Variants in TMEM135 observed in about 807,000 individuals in gnomAD.
The protein encoded by TMEM135 is transmembrane protein 135, also known as peroxisomal membrane protein 52.
TMEM135 carries 30 observed loss-of-function variants against 60.3 expected under a neutral mutation model. That is an observed-to-expected ratio of 0.50 (90% confidence interval 0.37 to 0.68). The LOEUF is 0.68. TMEM135 is among the 30% of genes least tolerant of loss of function. TMEM135 has a pLI of 0.00. For missense variants in TMEM135, 468 were observed against 548.8 expected, an observed-to-expected ratio of 0.85 and a Z score of 1.47; for synonymous variants, 190 against 186.7, an observed-to-expected ratio of 1.02 and a Z score of -0.14.
At chr11:87,147,445 C>A (rs1938446065) in intron 4 of TMEM135, among the ~76,000 whole-genome samples, 1 of 152,224 alleles carries the variant, frequency 6.6e-6, no homozygotes, top group South Asian at 2.1e-4. Flanking sequence ...AAAGGATCCT[C>A]CTGCCTCAGC....
Position 87,324,198 on chromosome 11 carries a change from A to G in TMEM135, c.*2865A>G, listed in dbSNP as rs1271378090. 2.2e-6 allele frequency: 1 copy of G among 453,930 alleles called. No individual in the cohort carries two copies. Among genetic ancestry groups the G allele is most frequent in the African/African-American group, 2.0e-5 (1 of 49,974 alleles). The allele number at this position is 453,930 out of a possible 1,614,324, so 28.1% of individuals were successfully genotyped here. The stretch of plus-strand genomic sequence containing the variant: ...TTGTTTCCTGCTTATATTTTATCAT[A>G]TCCCTGAGCTTCTGTGTGCTCTACA... On this transcript the variant is annotated 3_prime_UTR_variant, in exon 15 of 15. Transcript: ENST00000305494.
At chr11:87,222,462 G>C (rs1940651069) in intron 5 of TMEM135, among the ~76,000 whole-genome samples, 1 of 145,030 alleles carries the variant, frequency 6.9e-6, no homozygotes, top group Non-Finnish European at 1.5e-5. Flanking sequence ...TCGCACCACT[G>C]CACTCCAGCC....
intron 3 of TMEM135, among the ~76,000 whole-genome samples, chr11:87,091,104 G>C (rs911609526): frequency 1.3e-5 from 2 of 151,960 alleles, no homozygotes; most frequent in Admixed American, 1.3e-4. Context: ...TGGGGAAATA[G>C]TAATTTTAAA....
chr11:87,314,333 T>C (rs1374621835), intron 11 of TMEM135, 138 bp from the exon 12 acceptor site: 2 of 696,796 alleles, frequency 2.9e-6, no homozygotes, highest in Non-Finnish European at 2.5e-6. Context: ...TTTAATGTCA[T>C]CTGGTTTATT....
chr11:87,133,239 GA>G (rs1346958957), intron 4 of TMEM135, among the ~76,000 whole-genome samples: 1 of 152,166 alleles, frequency 6.6e-6, no homozygotes, highest in Non-Finnish European at 1.5e-5. Context: ...TGAAACTGCA[GA>G]AAGTGAGACT....
Position 87,073,192 on chromosome 11 carries a change from G to A in TMEM135, c.362+1577G>A, listed in dbSNP as rs572433266. ...TGGGACTACAGGCACGTGCCACCAC[G>A]CCCAGCTAATTTTTGTATTTTTAGT... On this transcript the variant is annotated intron_variant, in intron 3 of 14. Transcript: ENST00000305494. Among the ~76,000 whole-genome samples, 8 of 151,974 alleles carry A rather than the reference G, an allele frequency of 5.3e-5. No homozygotes were observed. In the South Asian group the frequency reaches 8.3e-4, roughly 16 times the overall value.
intron 5 of TMEM135, among the ~76,000 whole-genome samples, chr11:87,201,244 T>C (rs1383393479): frequency 2.6e-5 from 4 of 152,196 alleles, no homozygotes; most frequent in Non-Finnish European, 4.4e-5. Flanking sequence ...AGAAGGAATA[T>C]GTAAAACATA....
chr11:87,057,324 G>A (rs931004090), intron 1 of TMEM135, among the ~76,000 whole-genome samples: 2 of 152,264 alleles, frequency 1.3e-5, no homozygotes, highest in Admixed American at 6.5e-5. Context: ...TCATTACAGG[G>A]AGGCTTTACA....
chr11:87,193,239 G>A (rs1363560435), intron 5 of TMEM135, among the ~76,000 whole-genome samples: 2 of 152,162 alleles, frequency 1.3e-5, no homozygotes, highest in African/African-American at 4.8e-5. Flanking sequence ...AGGAGCTTGT[G>A]TCTAGCAGAT....
chr11:87,195,333 C>T (rs1939913462), intron 5 of TMEM135, among the ~76,000 whole-genome samples: 1 of 86,170 alleles, frequency 1.2e-5, no homozygotes, highest in East Asian at 2.9e-4. Flanking sequence ...TTCCTTCCTT[C>T]CTTCCTTCCT....
At chr11:87,282,317 T>C (rs1292532454) in intron 6 of TMEM135, among the ~76,000 whole-genome samples, 1 of 151,778 alleles carries the variant, frequency 6.6e-6, no homozygotes, top group Non-Finnish European at 1.5e-5. Context: ...CAGCCTGGAG[T>C]GCAATGATGC....
At chr11:87,044,234 T>C (rs555693391) in intron 1 of TMEM135, among the ~76,000 whole-genome samples, 9 of 152,222 alleles carry the variant, frequency 5.9e-5, no homozygotes, top group Admixed American at 3.3e-4. Flanking sequence ...AAACGGTTTA[T>C]GGACAGTCTC....
chr11:87,090,480 A>G (rs1410606553), intron 3 of TMEM135, among the ~76,000 whole-genome samples: 1 of 152,150 alleles, frequency 6.6e-6, no homozygotes, highest in Non-Finnish European at 1.5e-5. Context: ...AAGATTCGGC[A>G]TATTTAAATG....
Position 87,106,255 on chromosome 11 carries a change from C to G in TMEM135, c.396+14860C>G, listed in dbSNP as rs114641525. ...AGTAGCTGGGAATAGAGGTGCCTGC[C>G]ACAACGCCTGACTACTTTTTGTATT... is the stretch of plus-strand genomic sequence containing the variant. On this transcript the variant is annotated intron_variant, in intron 4 of 14. Transcript: ENST00000305494. 1.8e-3 allele frequency among the ~76,000 whole-genome samples: 267 copies of G among 152,098 alleles called. 3 individuals carry two copies. Among genetic ancestry groups the G allele is most frequent in the African/African-American group, 6.1e-3 (251 of 41,480 alleles).
intron 5 of TMEM135, among the ~76,000 whole-genome samples, chr11:87,165,419 A>C (rs559518823): frequency 7.5e-6 from 1 of 133,786 alleles, no homozygotes; most frequent in East Asian, 2.5e-4. Context: ...AAGCTTTTTG[A>C]TGTGCTGCTG....
chr11:87,262,579 TTAA>T, intron 6 of TMEM135, among the ~76,000 whole-genome samples: 1 of 152,336 alleles, frequency 6.6e-6, no homozygotes, highest in Non-Finnish European at 1.5e-5. Context: ...TTACATGCTA[TTAA>T]TGTTTGTTCC....
At chr11:87,146,408 G>T (rs867340985) in intron 4 of TMEM135, among the ~76,000 whole-genome samples, 1 of 152,100 alleles carries the variant, frequency 6.6e-6, no homozygotes, top group African/African-American at 2.4e-5. Context: ...TGGAGTACTT[G>T]GGAGTAGTGC....
chr11:87,116,706 A>G (rs574685867), intron 4 of TMEM135, among the ~76,000 whole-genome samples: 1 of 152,066 alleles, frequency 6.6e-6, no homozygotes, highest in Non-Finnish European at 1.5e-5. Context: ...TTGGATCTAG[A>G]CCACTGCAAT....
At chr11:87,224,086 G>A (rs556641) in intron 5 of TMEM135, among the ~76,000 whole-genome samples, 45,836 of 151,988 alleles carry the variant, frequency 0.3, 7,804 homozygotes, top group African/African-American at 0.46. Context: ...GGGCAACAGG[G>A]CAGACTATTT....
Sources: gnomAD v4.1 joint callset for allele counts (sites outside exome capture counted in the v4.1 genomes callset) on GRCh38, gnomAD v4.1.1 for gene constraint, MANE v1.5 for transcripts, NCBI Gene and HGNC (gene_info 2026-07-23, HGNC 2026-07-21) for gene names.